THOC5: variants seen among roughly 807,000 people sequenced by gnomAD.
THOC5 encodes THO complex subunit 5.
Under a neutral mutation model 92.9 loss-of-function variants are expected in THOC5, and 43 were observed. The observed-to-expected ratio is 0.46, with a 90% CI of 0.36 to 0.60. THOC5 has a LOEUF of 0.60. Among genes scored for constraint, THOC5 ranks in the 20% least tolerant of loss-of-function variants. The pLI is 0.00. For missense variants in THOC5, 659 were observed against 849.4 expected, an observed-to-expected ratio of 0.78 and a Z score of 2.79; for synonymous variants, 296 against 320.1, an observed-to-expected ratio of 0.92 and a Z score of 0.80.
chr22:29,536,954 C>T (rs1202635067), intron 6 of THOC5, among the ~76,000 whole-genome samples: 5 of 152,150 alleles, frequency 3.3e-5, no homozygotes, highest in African/African-American at 1.2e-4. Flanking sequence ...TTTGCTTATC[C>T]CCAAAGGAGG....
In THOC5 at chr22:29,517,911, C is replaced by T. The variant is rs558117445; in HGVS notation, c.1490-545G>A. Among the ~76,000 whole-genome samples the T allele has an allele frequency of 1.2e-4, 18 of 152,310 alleles. No homozygotes were observed. The South Asian group carries it at 1.9e-3, about 16-fold the overall frequency. On this transcript the variant is annotated intron_variant, in intron 15 of 19. Transcript: ENST00000490103. ...AGCAGTGCTGATGGGGAGCACGGCC[C>T]GATGGACAAACATCAGTGCTCTGGA...
intron 5 of THOC5, among the ~76,000 whole-genome samples, chr22:29,539,752 C>G (rs2063840041): frequency 6.6e-6 from 1 of 152,136 alleles, no homozygotes. Flanking sequence ...TGTCTCCAAG[C>G]TGAGCAGGAG....
intron 16 of THOC5, 40 bp downstream of exon 16, chr22:29,517,223 C>T (rs767577362): frequency 6.2e-6 from 10 of 1,603,920 alleles, no homozygotes; most frequent in Non-Finnish European, 7.7e-6. Context: ...GTCCTGCAAT[C>T]CTCAGGACAG....
intron 19 of THOC5, among the ~76,000 whole-genome samples, chr22:29,508,777 C>T (rs759850409): frequency 8.5e-5 from 13 of 152,178 alleles, no homozygotes; most frequent in East Asian, 3.9e-4. Context: ...TAGCTTTAGG[C>T]ACCCTCACTT....
At chr22:29,508,653 G>C in intron 19 of THOC5, 133 bp from the exon 20 acceptor site, 1 of 802,478 alleles carries the variant, frequency 1.2e-6, no homozygotes, top group Non-Finnish European at 2.1e-6. Flanking sequence ...AAAAGCATAC[G>C]GCAGAACAAC....
At chr22:29,528,532 C>T (rs967873920) in intron 9 of THOC5, 66 bp from the exon 10 acceptor site, 1 of 1,563,856 alleles carries the variant, frequency 6.4e-7, no homozygotes, top group Non-Finnish European at 8.8e-7. Flanking sequence ...AGCACTCCAA[C>T]CCACATGGCA....
At position 29,518,957 on chromosome 22, in the gene THOC5, C is replaced by T. The variant is rs6006182; in HGVS notation, c.1489+49G>A. 25 of 1,148,030 alleles carry T rather than the reference C, an allele frequency of 2.2e-5. No individual in the cohort carries two copies. The African/African-American group carries it at 3.0e-4, about 14-fold the overall frequency. The allele number at this position is 1,148,030 out of a possible 1,614,324, so 71.1% of individuals were successfully genotyped here. A position where few individuals can be genotyped will look rare whatever the true frequency, so the allele number is the denominator to read the frequency against. On this transcript the variant is annotated intron_variant, in intron 15 of 19. Coordinates refer to ENST00000490103, the MANE Select transcript of THOC5 (RefSeq NM_003678.5). ...AGTGAAAGGCTAAGTTGTTGTTGTC[C>T]GTGTGTTGTCTGAGTGACTCTTAAA...
At chr22:29,516,188 A>G (rs1414737259) in intron 17 of THOC5, among the ~76,000 whole-genome samples, 1 of 151,946 alleles carries the variant, frequency 6.6e-6, no homozygotes, top group Non-Finnish European at 1.5e-5. Context: ...AAGGATGGAA[A>G]GCAAATGCAT....
At position 29,536,775 on chromosome 22, in the gene THOC5, C is replaced by T. The variant is rs762243704; in HGVS notation, c.600-37G>A. On this transcript the variant is annotated intron_variant, in intron 6 of 19. Transcript: ENST00000490103. Reference sequence around the variant, plus strand: ...GGAAAGAGCATTGTCACCTGATATCCCCCAGTGATACCTCAACATGCCTGT... The same window carrying T: ...GGAAAGAGCATTGTCACCTGATATCTCCCAGTGATACCTCAACATGCCTGT... 4 of 1,152,388 alleles carry T rather than the reference C, an allele frequency of 3.5e-6. No individual in the cohort carries two copies. In the Admixed American group the frequency reaches 6.7e-5, roughly 19 times the overall value. 71.4% of individuals were successfully genotyped at this position (1,152,388 alleles called of 1,614,324 possible).
chr22:29,551,893 C>A (rs2146581092), intron 1 of THOC5, among the ~76,000 whole-genome samples: 1 of 150,714 alleles, frequency 6.6e-6, no homozygotes, highest in South Asian at 2.1e-4. Flanking sequence ...CTGCCTGATT[C>A]TCCTGCCTCA....
At chr22:29,544,848 T>A (rs1440277919) in intron 2 of THOC5, among the ~76,000 whole-genome samples, 1 of 152,120 alleles carries the variant, frequency 6.6e-6, no homozygotes. Flanking sequence ...CAGAGGAGTA[T>A]CAAAAAGAAA....
intron 12 of THOC5, among the ~76,000 whole-genome samples, chr22:29,524,768 C>G (rs767515773): frequency 2.6e-5 from 4 of 152,174 alleles, no homozygotes; most frequent in Non-Finnish European, 5.9e-5. Context: ...TAAGGGCAGT[C>G]TAAAACCCAA....
chr22:29,512,123 G>A lies in THOC5; in HGVS notation c.1695C>T (p.Ala565=), dbSNP rs140202671. ...LIERGTAKLQ[A]AVVLNPGYSS... The stretch of plus-strand genomic sequence containing the variant: ...AGTAGCCAGGGTTCAACACCACAGC[G>A]GCCTGCAGTTTGGCTGGGAAGAGAG... Residue 565 remains alanine (A), a synonymous_variant, in exon 18 of 20, where the codon GCC becomes GCT. Coordinates refer to ENST00000490103, the MANE Select transcript of THOC5 (RefSeq NM_003678.5). 1.6e-4 allele frequency: 256 copies of A among 1,614,048 alleles called. No homozygotes were observed. Among genetic ancestry groups the A allele is most frequent in the Non-Finnish European group, 1.8e-4 (218 of 1,179,926 alleles).
At position 29,528,099 on chromosome 22, in the gene THOC5, T is replaced by C. The variant is rs2063578180; in HGVS notation, c.1045A>G (p.Met349Val). The change falls in exon 11 of 20, where the codon ATG (methionine) becomes GTG (valine). Residue 349 changes from methionine (M) to valine (V), a missense_variant. Coordinates refer to ENST00000490103, the MANE Select transcript of THOC5 (RefSeq NM_003678.5). Reference protein sequence around the residue: ...EMLKRHPLSVMLDLKCKDDSV... With the variant: ...EMLKRHPLSVVLDLKCKDDSV... ...AGACCTTTGCACTTCAGGTCGAGCA[T>C]GACAGACAGTGGGTGCCTCTTCAGC... 6.2e-7 allele frequency: 1 copy of C among 1,614,208 alleles called. No individual in the cohort carries two copies. Among genetic ancestry groups the C allele is most frequent in the East Asian group, 2.2e-5 (1 of 44,888 alleles).
chr22:29,519,774 A>G (rs1052881033), intron 14 of THOC5, among the ~76,000 whole-genome samples: 1 of 152,066 alleles, frequency 6.6e-6, no homozygotes, highest in Non-Finnish European at 1.5e-5. Context: ...CTGGGATTAT[A>G]GGAACGTGCC....
At chr22:29,548,330 T>G (rs2064068998) in intron 2 of THOC5, among the ~76,000 whole-genome samples, 1 of 152,024 alleles carries the variant, frequency 6.6e-6, no homozygotes, top group South Asian at 2.1e-4. Context: ...CCAAGGCAGG[T>G]AGATCACTTA....
Position 29,529,035 on chromosome 22 carries a change from G to C in THOC5, c.925+127C>G, listed in dbSNP as rs553873360. ...GAGCTCTCTTTCCTGTCTACTCCAG[G>C]GTGCTAAGACATTCAAGTCAAGCTT... On this transcript the variant is annotated intron_variant, in intron 9 of 19. Transcript: ENST00000490103. 5 of 894,410 alleles carry C rather than the reference G, an allele frequency of 5.6e-6. No individual in the cohort carries two copies. The East Asian group carries it at 9.8e-5, about 18-fold the overall frequency. 55.4% of individuals were successfully genotyped at this position (894,410 alleles called of 1,614,324 possible).
intron 1 of THOC5, among the ~76,000 whole-genome samples, chr22:29,552,467 C>T (rs1239122099): frequency 6.6e-6 from 1 of 151,174 alleles, no homozygotes; most frequent in Non-Finnish European, 1.5e-5. Context: ...AGCGTCTCTG[C>T]CCGGCTGCCC....
At chr22:29,531,061 A>G (rs1477450529) in intron 8 of THOC5, 6 of 1,108,702 alleles carry the variant, frequency 5.4e-6, no homozygotes, top group Non-Finnish European at 6.8e-6. Context: ...AACATAAAAG[A>G]AAAGAAAATT....
Sources: gnomAD v4.1 joint callset for allele counts (sites outside exome capture counted in the v4.1 genomes callset) on GRCh38, gnomAD v4.1.1 for gene constraint, MANE v1.5 for transcripts, NCBI Gene and HGNC (gene_info 2026-07-23, HGNC 2026-07-21) for gene names.